Variants in PARD3 observed in about 807,000 individuals in gnomAD.
PARD3 encodes partitioning defective 3 homolog.
Under a neutral mutation model 155.4 loss-of-function variants are expected in PARD3, and 75 were observed. The observed-to-expected ratio is 0.48, with a 90% CI of 0.40 to 0.58. The LOEUF (loss-of-function observed/expected upper bound fraction) is 0.58. Ranked by LOEUF, PARD3 falls within the 20% of genes least tolerant of loss-of-function variation. The probability of loss-of-function intolerance (pLI) is 0.00; values close to 1 mark genes in which losing one functional copy is unlikely to be tolerated. For missense variants in PARD3, 1,642 were observed against 1,721.7 expected, an observed-to-expected ratio of 0.95 and a Z score of 0.82; for synonymous variants, 576 against 610.5, an observed-to-expected ratio of 0.94 and a Z score of 0.83.
chr10:34,671,214 C>T (rs1475210464), intron 2 of PARD3, among the ~76,000 whole-genome samples: 1 of 152,138 alleles, frequency 6.6e-6, no homozygotes, highest in Non-Finnish European at 1.5e-5. Flanking sequence ...GTCATGGTTC[C>T]AATGGAAGTG....
intron 9 of PARD3, among the ~76,000 whole-genome samples, chr10:34,379,185 C>T (rs903732610): frequency 6.6e-6 from 1 of 151,964 alleles, no homozygotes; most frequent in Non-Finnish European, 1.5e-5. Flanking sequence ...TAATCTGATA[C>T]ATCACTCAGT....
At chr10:34,355,733 C>T (rs950945697) in intron 14 of PARD3, among the ~76,000 whole-genome samples, 11 of 151,872 alleles carry the variant, frequency 7.2e-5, no homozygotes. Flanking sequence ...TTGAGACCAG[C>T]CTGACCAACA....
At chr10:34,392,069 A>T (rs1842916184) in intron 7 of PARD3, among the ~76,000 whole-genome samples, 1 of 152,106 alleles carries the variant, frequency 6.6e-6, no homozygotes, top group Non-Finnish European at 1.5e-5. Context: ...AGGTGGGAGG[A>T]TCACTTGAGC....
intron 23 of PARD3, among the ~76,000 whole-genome samples, chr10:34,126,603 T>G (rs1449982369): frequency 6.6e-6 from 1 of 152,062 alleles, no homozygotes; most frequent in East Asian, 1.9e-4. Flanking sequence ...TCAGAATACA[T>G]AAGAGAAGAG....
chr10:34,164,889 G>A (rs886561380), intron 22 of PARD3, among the ~76,000 whole-genome samples: 2 of 152,172 alleles, frequency 1.3e-5, no homozygotes, highest in African/African-American at 4.8e-5. Flanking sequence ...CTGACTAAAT[G>A]TATTCATAAT....
chr10:34,145,218 TATA>T (rs201562562), intron 22 of PARD3, among the ~76,000 whole-genome samples: 904 of 65,064 alleles, frequency 0.014, 1 homozygote, highest in East Asian at 0.042. Context: ...TATATATATA[TATA>T]TTTTTTTTTT....
intron 3 of PARD3, among the ~76,000 whole-genome samples, chr10:34,481,193 T>A (rs1227428646): frequency 8.6e-6 from 1 of 116,182 alleles, no homozygotes; most frequent in East Asian, 2.2e-4. Context: ...TATCCAACAG[T>A]TGTTTTATTT....
intron 2 of PARD3, among the ~76,000 whole-genome samples, chr10:34,623,157 T>C (rs1427601588): frequency 6.6e-6 from 1 of 152,158 alleles, no homozygotes; most frequent in Admixed American, 6.5e-5. Context: ...GAATATAAGC[T>C]GGGCTTCGAC....
At chr10:34,261,839 AACAAAC>A (rs1346019288) in intron 22 of PARD3, among the ~76,000 whole-genome samples, 2 of 147,474 alleles carry the variant, frequency 1.4e-5, no homozygotes, top group East Asian at 4.0e-4. Flanking sequence ...CAAACAAACA[AACAAAC>A]ACACACACAC....
At position 34,331,326 on chromosome 10, in the gene PARD3, A is replaced by G. The variant is rs1835592633; in HGVS notation, c.2624T>C (p.Val875Ala). ...DQKAGSPSRD[V>A]GPSLGLKKSS... The stretch of plus-strand genomic sequence containing the variant: ...CTTCTTCAGACCCAGGGAAGGACCC[A>G]CATCTCTGCTGGGAGAACCTGGGAG... Residue 875 changes from valine (V) to alanine (A), a missense_variant, in exon 19 of 25, where the codon GTG (valine) becomes GCG (alanine). This residue lies in a region of PARD3 where 1,529 missense variants were observed against 1,587.3 expected (regional missense o/e 0.96). Transcript: ENST00000374788. 2 of 1,613,108 alleles carry G rather than the reference A, an allele frequency of 1.2e-6. No individual in the cohort carries two copies. The highest frequency in any genetic ancestry group is 1.7e-6 in the Non-Finnish European group (2 of 1,179,294).
intron 23 of PARD3, 70 bp downstream of exon 23, chr10:34,131,393 C>A: frequency 2.5e-6 from 4 of 1,575,182 alleles, no homozygotes; most frequent in Non-Finnish European, 2.6e-6. Flanking sequence ...GCATTGAGGT[C>A]ATAGCTTAGT....
At chr10:34,682,959 G>A (rs1158166359) in intron 2 of PARD3, among the ~76,000 whole-genome samples, 1 of 152,234 alleles carries the variant, frequency 6.6e-6, no homozygotes, top group Non-Finnish European at 1.5e-5. Flanking sequence ...TGGTGGTGGT[G>A]ATGGTGGCCG....
At chr10:34,502,658 T>A (rs772499540) in intron 3 of PARD3, among the ~76,000 whole-genome samples, 1 of 152,112 alleles carries the variant, frequency 6.6e-6, no homozygotes, top group Non-Finnish European at 1.5e-5. Flanking sequence ...ACATTAGACT[T>A]GGCTAGGTGT....
intron 22 of PARD3, among the ~76,000 whole-genome samples, chr10:34,238,867 T>A (rs973624648): frequency 2.0e-5 from 3 of 152,234 alleles, no homozygotes; most frequent in Admixed American, 2.0e-4. Context: ...CAGCTCTTAA[T>A]AACTGCACTG....
At chr10:34,228,786 CA>C (rs1952759697) in intron 22 of PARD3, among the ~76,000 whole-genome samples, 2 of 152,054 alleles carry the variant, frequency 1.3e-5, no homozygotes, top group South Asian at 4.2e-4. Context: ...CCTGTGCTCC[CA>C]AATGCAAGCT....
intron 20 of PARD3, among the ~76,000 whole-genome samples, chr10:34,312,854 A>G (rs1226093542): frequency 1.3e-5 from 2 of 152,212 alleles, no homozygotes; most frequent in Non-Finnish European, 2.9e-5. Flanking sequence ...TATTCAAACG[A>G]TAACAGTTCC....
chr10:34,720,354 G>C (rs2094584529), intron 1 of PARD3, among the ~76,000 whole-genome samples: 1 of 149,068 alleles, frequency 6.7e-6, no homozygotes, highest in Non-Finnish European at 1.5e-5. Context: ...GATTCTCTGA[G>C]GCAGAAGAAT....
chr10:34,806,197 A>AT (rs34269930), intron 1 of PARD3, among the ~76,000 whole-genome samples: 66,624 of 130,344 alleles, frequency 0.51, 18,903 homozygotes, highest in East Asian at 0.7. Flanking sequence ...TGTCTGGCTA[A>AT]TTTTTTTTTT....
chr10:34,317,236 T>G lies in PARD3; in HGVS notation c.2936A>C (p.Gln979Pro), dbSNP rs1958064681. The stretch of plus-strand genomic sequence containing the variant: ...TCTATCAGTCTTATCACCTTTCTCT[T>G]GGTTTCCATTCATTTGTCTCTCCAG... ...HSLERQMNGNQEKGDKTDRKK... is the reference protein window; with the variant it reads ...HSLERQMNGNPEKGDKTDRKK... Residue 979 changes from glutamine (Q) to proline (P), a missense_variant, in exon 20 of 25, where the codon CAA becomes CCA. By Grantham distance (76) the Gln-to-Pro change is moderately conservative. Around this residue, in one of 3 missense-constraint regions of PARD3, gnomAD observed 1,529 missense variants for 1,587.3 expected, o/e 0.96. Coordinates refer to ENST00000374788, the MANE Select transcript of PARD3 (RefSeq NM_001184785.2). 1 of 1,613,824 alleles carries G rather than the reference T, an allele frequency of 6.2e-7. No homozygotes were observed. The highest frequency in any genetic ancestry group is 8.5e-7 in the Non-Finnish European group (1 of 1,180,016).
Sources: gnomAD v4.1 joint callset for allele counts (sites outside exome capture counted in the v4.1 genomes callset) on GRCh38, gnomAD v4.1.1 for gene constraint, gnomAD v4.1.1 regional missense constraint, MANE v1.5 for transcripts, NCBI Gene and HGNC (gene_info 2026-07-23, HGNC 2026-07-21) for gene names.